SAE1: variants seen among roughly 807,000 people sequenced by gnomAD.
SAE1 encodes the protein SUMO-activating enzyme subunit 1.
Under a neutral mutation model 40.6 loss-of-function variants are expected in SAE1, and 11 were observed. That is an observed-to-expected ratio of 0.27 (90% CI 0.17 to 0.45). The LOEUF (loss-of-function observed/expected upper bound fraction) is 0.45, where lower values mean the gene tolerates loss of function less well. Ranked by LOEUF, SAE1 falls within the 20% of genes least tolerant of loss-of-function variation. The pLI is 1.00. For synonymous variants in SAE1, 155 were observed against 154.3 expected, an observed-to-expected ratio of 1.00 and a Z score of -0.03; for missense variants, 373 against 427.3, an observed-to-expected ratio of 0.87 and a Z score of 1.12.
rs149258077 is a variant in SAE1 at position 47,152,975 on chromosome 19, T to C, written c.462T>C (p.Phe154=). ...GTCACAAAAATAGCATCAAGTTCTT[T>C]ACAGGAGATGTTTTTGGCTACCATG... is the stretch of plus-strand genomic sequence containing the variant. The part of the protein sequence containing the change: ...QICHKNSIKF[F]TGDVFGYHGY... Residue 154 remains phenylalanine, a synonymous_variant, in exon 4 of 9, where the codon TTT becomes TTC. Transcript: ENST00000270225. The C allele has an allele frequency of 6.2e-7, 1 of 1,613,152 alleles. No homozygotes were observed. Among genetic ancestry groups the C allele is most frequent in the African/African-American group, 1.3e-5 (1 of 74,884 alleles).
chr19:47,196,848 A>T (rs11669489), intron 6 of SAE1, among the ~76,000 whole-genome samples: 24,687 of 151,752 alleles, frequency 0.16, 2,196 homozygotes, highest in East Asian at 0.36. Context: ...AATTGCTTTT[A>T]TAATTATTGG....
At chr19:47,188,281 G>A (rs536150277) in intron 6 of SAE1, among the ~76,000 whole-genome samples, 35 of 152,068 alleles carry the variant, frequency 2.3e-4, no homozygotes, top group Non-Finnish European at 4.1e-4. Context: ...AGTTCAGGAG[G>A]TCCAGGCAGC....
chr19:47,164,087 T>G (rs1164271903), intron 5 of SAE1, among the ~76,000 whole-genome samples: 1 of 152,100 alleles, frequency 6.6e-6, no homozygotes, highest in Non-Finnish European at 1.5e-5. Flanking sequence ...TGTATATATA[T>G]GTACATGGTT....
chr19:47,157,127 C>A (rs148237581), intron 5 of SAE1, among the ~76,000 whole-genome samples: 1 of 152,156 alleles, frequency 6.6e-6, no homozygotes, highest in Admixed American at 6.5e-5. Flanking sequence ...TCCAGCAAGG[C>A]GGCGTTGGAG....
intron 1 of SAE1, among the ~76,000 whole-genome samples, chr19:47,133,681 T>C (rs978711913): frequency 1.3e-5 from 2 of 152,092 alleles, no homozygotes; most frequent in Non-Finnish European, 2.9e-5. Flanking sequence ...ATTCTGGATA[T>C]ATTTTGAAGG....
chr19:47,136,162 C>T (rs1454960819), intron 1 of SAE1, among the ~76,000 whole-genome samples: 7 of 151,836 alleles, frequency 4.6e-5, no homozygotes, highest in Admixed American at 2.0e-4. Flanking sequence ...CTTTTGAGAC[C>T]GAGCCTCGCT....
chr19:47,179,995 G>A, intron 6 of SAE1: 1 of 345,482 alleles, frequency 2.9e-6, no homozygotes, highest in South Asian at 2.3e-5. Flanking sequence ...GTGTTCCTAT[G>A]AATGTGGACA....
rs1192569887 is a variant in SAE1 at position 47,130,927 on chromosome 19, C to T, written c.-4C>T. On this transcript the variant is annotated 5_prime_UTR_variant, in exon 1 of 9. Transcript: ENST00000270225. The stretch of plus-strand genomic sequence containing the variant: ...CCGGAGCTGAGGCAGGAAGAGCCGG[C>T]GCCATGGTGGAGAAGGAGGAGGCTG... The T allele has an allele frequency of 1.0e-5, 16 of 1,549,416 alleles. No individual in the cohort carries two copies. The highest frequency in any genetic ancestry group is 1.4e-5 in the Non-Finnish European group (16 of 1,146,522).
chr19:47,153,181 G>A, intron 4 of SAE1, 141 bp downstream of exon 4: 1 of 695,444 alleles, frequency 1.4e-6, no homozygotes, highest in Non-Finnish European at 2.2e-6. Flanking sequence ...GGGCTCAAGT[G>A]ATCCTCCCAC....
At chr19:47,146,888 G>A (rs569314642) in intron 2 of SAE1, among the ~76,000 whole-genome samples, 86 of 152,264 alleles carry the variant, frequency 5.6e-4, no homozygotes, top group African/African-American at 1.9e-3. Flanking sequence ...TAGGGTTTAT[G>A]GATATCTGAG....
At chr19:47,154,480 CTTTTTTTT>C (rs57870733) in intron 4 of SAE1, among the ~76,000 whole-genome samples, 1 of 51,576 alleles carries the variant, frequency 1.9e-5, no homozygotes, top group Non-Finnish European at 3.3e-5. Context: ...TTAAGTTTGG[CTTTTTTTT>C]TTTTTTTTTT....
intron 4 of SAE1, among the ~76,000 whole-genome samples, chr19:47,153,940 C>T (rs1421013743): frequency 1.3e-5 from 2 of 151,988 alleles, no homozygotes; most frequent in Admixed American, 6.6e-5. Context: ...TACAGGCATG[C>T]GTCACCATGC....
intron 8 of SAE1, among the ~76,000 whole-genome samples, chr19:47,207,834 C>A (rs2123332487): frequency 6.6e-6 from 1 of 152,214 alleles, no homozygotes; most frequent in East Asian, 1.9e-4. Flanking sequence ...TGGGGTTTTG[C>A]CATGTTGCCC....
At chr19:47,134,023 C>T (rs1441207048) in intron 1 of SAE1, among the ~76,000 whole-genome samples, 3 of 151,900 alleles carry the variant, frequency 2.0e-5, no homozygotes, top group African/African-American at 7.3e-5. Flanking sequence ...CCACCATGCC[C>T]AGCTAATTTT....
At chr19:47,166,642 G>A (rs1217610935) in intron 5 of SAE1, among the ~76,000 whole-genome samples, 1 of 152,096 alleles carries the variant, frequency 6.6e-6, no homozygotes, top group Non-Finnish European at 1.5e-5. Context: ...CAAAGACTCC[G>A]AATTGAGCTC....
At chr19:47,184,778 T>G (rs78977591) in intron 6 of SAE1, among the ~76,000 whole-genome samples, 15 of 149,420 alleles carry the variant, frequency 1.0e-4, no homozygotes, top group African/African-American at 2.3e-4. Context: ...GGTTGTGGGG[T>G]TTTTTTTGTT....
Position 47,209,393 on chromosome 19 carries a change from G to A in SAE1, c.*142G>A. Reference sequence around the variant, plus strand: ...CAAAACATTTCCTGCAACGAAGGAGGTGGTGCCGACGTGCTGCTTCCCATC... The same window carrying A: ...CAAAACATTTCCTGCAACGAAGGAGATGGTGCCGACGTGCTGCTTCCCATC... On this transcript the variant is annotated 3_prime_UTR_variant, in exon 9 of 9. Transcript: ENST00000270225. 2 of 1,438,780 alleles carry A rather than the reference G, an allele frequency of 1.4e-6. No individual in the cohort carries two copies. Among genetic ancestry groups the A allele is most frequent in the Non-Finnish European group, 1.9e-6 (2 of 1,055,740 alleles). The allele number at this position is 1,438,780 out of a possible 1,614,324, so 89.1% of individuals were successfully genotyped here.
At chr19:47,204,160 T>C (rs920548639) in intron 8 of SAE1, among the ~76,000 whole-genome samples, 79 of 150,702 alleles carry the variant, frequency 5.2e-4, no homozygotes, top group African/African-American at 1.9e-3. Flanking sequence ...TTTATCTCTA[T>C]TCATCACCAT....
chr19:47,201,392 A>G (rs1166377059), intron 7 of SAE1, among the ~76,000 whole-genome samples: 1 of 36,670 alleles, frequency 2.7e-5, no homozygotes, highest in Non-Finnish European at 4.9e-5. Context: ...TTTTTTTTGA[A>G]TCAGAGTCTT....
Sources: gnomAD v4.1 joint callset for allele counts (sites outside exome capture counted in the v4.1 genomes callset) on GRCh38, gnomAD v4.1.1 for gene constraint, MANE v1.5 for transcripts, NCBI Gene and HGNC (gene_info 2026-07-23, HGNC 2026-07-21) for gene names.